Variants in HMGN2 observed in about 807,000 individuals in gnomAD.
The protein encoded by HMGN2 is non-histone chromosomal protein HMG-17.
In HMGN2, 2 loss-of-function variants were observed where a neutral mutation model predicts 16.9. The observed-to-expected ratio is 0.12, with a 90% confidence interval of 0.05 to 0.37. The LOEUF (loss-of-function observed/expected upper bound fraction) is 0.37, where lower values mean the gene tolerates loss of function less well. HMGN2 is among the 10% of genes least tolerant of loss of function. The pLI is 1.00. For synonymous variants in HMGN2, 31 were observed against 34.9 expected (o/e 0.89, Z 0.39); for missense variants, 90 against 106.0 (o/e 0.85, Z 0.66).
chr1:26,473,080 A>G lies in HMGN2; in HGVS notation c.16-403A>G, dbSNP rs371408658. On this transcript the variant is annotated intron_variant, in intron 1 of 5. Coordinates refer to ENST00000361427, the MANE Select transcript of HMGN2 (RefSeq NM_005517.4). ...GCGGTATGGCCCCGCCCCCTCGCCC[A>G]CGTTCCCCGCGCACGAGACGCGCGC... 13 of 236,822 alleles carry G rather than the reference A, an allele frequency of 5.5e-5. No individual in the cohort carries two copies. In the East Asian group the frequency reaches 1.2e-3, roughly 21 times the overall value. 14.7% of individuals were successfully genotyped at this position (236,822 alleles called of 1,614,324 possible). A position where few individuals can be genotyped will look rare whatever the true frequency, so the allele number is the denominator to read the frequency against.
intron 5 of HMGN2, 148 bp from the exon 6 acceptor site, chr1:26,474,965 C>A (rs2075598531): frequency 2.9e-6 from 2 of 678,206 alleles, no homozygotes; most frequent in Non-Finnish European, 5.2e-6. Context: ...AGCAAAGTTA[C>A]CTAGTAAGTC....
rs1441221917 is a variant in HMGN2, at chr1:26,476,639, C to CT, written c.*1492dup. Reference sequence around the variant, plus strand: ...GGACAGGAATAAAGTAAATTGGAGACTAATTGCTTTGTCCATTCCCTTAGT... The same window carrying CT: ...GGACAGGAATAAAGTAAATTGGAGACTTAATTGCTTTGTCCATTCCCTTAGT... On this transcript the variant is annotated 3_prime_UTR_variant, in exon 6 of 6. Transcript: ENST00000361427. Among the ~76,000 whole-genome samples, 3 of 152,190 alleles carry CT rather than the reference C, an allele frequency of 2.0e-5. No homozygotes were observed. The highest frequency in any genetic ancestry group is 4.8e-5 in the African/African-American group (2 of 41,450).
chr1:26,474,148 A>G lies in HMGN2; in HGVS notation c.141+13A>G, dbSNP rs1334182467. On this transcript the variant is annotated intron_variant, in intron 4 of 5. Coordinates refer to ENST00000361427, the MANE Select transcript of HMGN2 (RefSeq NM_005517.4). Reference sequence around the variant, plus strand: ...GGCCCCTGCAAAGGTAAGTGCTAACATTGGAACTGATCATTTTCACAGAAT... The same window carrying G: ...GGCCCCTGCAAAGGTAAGTGCTAACGTTGGAACTGATCATTTTCACAGAAT... The G allele has an allele frequency of 3.2e-6, 5 of 1,583,968 alleles. No individual in the cohort carries two copies. The highest frequency in any genetic ancestry group is 1.8e-5 in the Admixed American group (1 of 55,044).
chr1:26,474,159 T>C, intron 4 of HMGN2, 24 bp downstream of exon 4: 1 of 1,565,808 alleles, frequency 6.4e-7, no homozygotes, highest in East Asian at 2.2e-5. Context: ...TTGGAACTGA[T>C]CATTTTCACA....
chr1:26,474,012 G>T, intron 3 of HMGN2, 73 bp from the exon 4 acceptor site: 2 of 1,242,768 alleles, frequency 1.6e-6, no homozygotes, highest in Non-Finnish European at 2.3e-6. Flanking sequence ...TGGTACTTTT[G>T]GTTGGTTGTG....
chr1:26,473,261 G>C, intron 1 of HMGN2: 1 of 565,946 alleles, frequency 1.8e-6, no homozygotes, highest in Non-Finnish European at 3.1e-6. Context: ...GGGCTCCGCT[G>C]CCCTCCCCGG....
intron 5 of HMGN2, 64 bp downstream of exon 5, chr1:26,474,731 T>C: frequency 3.8e-6 from 3 of 792,748 alleles, no homozygotes; most frequent in Non-Finnish European, 6.6e-6. Context: ...TATCAAAAAT[T>C]TAATTGCCCT....
At position 26,475,466 on chromosome 1, in the gene HMGN2, G is replaced by T. The variant is rs9729961; in HGVS notation, c.*318G>T. On this transcript the variant is annotated 3_prime_UTR_variant, in exon 6 of 6. Coordinates refer to ENST00000361427, the MANE Select transcript of HMGN2 (RefSeq NM_005517.4). ...GCCACCTTGGCACAAAAGCCTTGTGGTATAGAAAAACAAATTTGTTTTTAT... is the reference window on the plus strand; with the variant it reads ...GCCACCTTGGCACAAAAGCCTTGTGTTATAGAAAAACAAATTTGTTTTTAT... 1 of 290,266 alleles carries T rather than the reference G, an allele frequency of 3.4e-6. No individual in the cohort carries two copies. The highest frequency in any genetic ancestry group is 7.6e-5 in the East Asian group (1 of 13,132). 18.0% of individuals were successfully genotyped at this position (290,266 alleles called of 1,614,324 possible). A position where few individuals can be genotyped will look rare whatever the true frequency, so the allele number is the denominator to read the frequency against.
intron 5 of HMGN2, 118 bp from the exon 6 acceptor site, chr1:26,474,995 A>T (rs558541473): frequency 1.8e-5 from 14 of 793,896 alleles, no homozygotes; most frequent in Non-Finnish European, 2.8e-5. Context: ...AGAAATACTG[A>T]GTCTCAGTAC....
intron 1 of HMGN2, 111 bp from the exon 2 acceptor site, chr1:26,473,372 A>C (rs533352772): frequency 1.3e-6 from 1 of 777,320 alleles, no homozygotes; most frequent in Non-Finnish European, 2.2e-6. Context: ...TTTATGTCCT[A>C]GAAAAGTTGT....
At chr1:26,474,887 C>T (rs1367396751) in intron 5 of HMGN2, 1 of 608,786 alleles carries the variant, frequency 1.6e-6, no homozygotes. Flanking sequence ...TAGGAGTAAC[C>T]TCAGGTCTCT....
intron 1 of HMGN2, among the ~76,000 whole-genome samples, chr1:26,472,929 C>A (rs1430848632): frequency 6.6e-6 from 1 of 152,000 alleles, no homozygotes; most frequent in Non-Finnish European, 1.5e-5. Flanking sequence ...TCGCGAGGGC[C>A]CCTTCCCTCC....
Position 26,472,665 on chromosome 1 carries a change from TGCCGCCACC to T in HMGN2, c.15+45_15+53del, listed in dbSNP as rs141841615. 6,174 of 1,506,724 alleles carry T rather than the reference TGCCGCCACC, an allele frequency of 4.1e-3. 172 individuals carry two copies. The African/African-American group carries it at 0.067, about 16-fold the overall frequency. 93.3% of individuals were successfully genotyped at this position (1,506,724 alleles called of 1,614,324 possible). A position where few individuals can be genotyped will look rare whatever the true frequency, so the allele number is the denominator to read the frequency against. On this transcript the variant is annotated intron_variant, in intron 1 of 5. Transcript: ENST00000361427. ...AGGGCCCCAGGCGCCGGGCCACCAC[TGCCGCCACC>T]GCCGCCGCCGCCTCCCTGGTGCAGG...
rs200508938 is a variant in HMGN2, at chr1:26,473,779, A to G, written c.90+47A>G. On this transcript the variant is annotated intron_variant, in intron 3 of 5. Coordinates refer to ENST00000361427, the MANE Select transcript of HMGN2 (RefSeq NM_005517.4). ...TTCGTGCTTGTCCCTGAAACTAAAA[A>G]ACATCAAAAAACAATTCCCTTTGCT... 446 of 1,545,942 alleles carry G rather than the reference A, an allele frequency of 2.9e-4. 2 individuals are homozygous for G. The highest frequency in any genetic ancestry group is 8.9e-5 in the Non-Finnish European group (99 of 1,118,238).
chr1:26,475,865 G>T lies in HMGN2; in HGVS notation c.*717G>T, dbSNP rs2124572079. On this transcript the variant is annotated 3_prime_UTR_variant, in exon 6 of 6. Coordinates refer to ENST00000361427, the MANE Select transcript of HMGN2 (RefSeq NM_005517.4). ...GGTAGTCCATTGAAGAAGGGAGTTT[G>T]AAAGTTGTTGTATACTGTTAACGAT... The T allele has an allele frequency of 3.4e-6, 1 of 291,334 alleles. No homozygotes were observed. The highest frequency in any genetic ancestry group is 1.1e-4 in the East Asian group (1 of 8,994). 18.0% of individuals were successfully genotyped at this position (291,334 alleles called of 1,614,324 possible). A position where few individuals can be genotyped will look rare whatever the true frequency, so the allele number is the denominator to read the frequency against.
At position 26,474,707 on chromosome 1, in the gene HMGN2, C is replaced by G. The variant is rs190057891; in HGVS notation, c.237+40C>G. 11 of 953,836 alleles carry G rather than the reference C, an allele frequency of 1.2e-5. No individual in the cohort carries two copies. In the African/African-American group the frequency reaches 1.6e-4, roughly 14 times the overall value. The allele number at this position is 953,836 out of a possible 1,614,324, so 59.1% of individuals were successfully genotyped here. ...TCACCCTTTGTTAGATTTGTTCATT[C>G]AGTTAGTTGCTGATATCAAAAATTT... On this transcript the variant is annotated intron_variant, in intron 5 of 5. Transcript: ENST00000361427.
Position 26,472,570 on chromosome 1 carries a change from C to T in HMGN2, c.-43C>T. 6.5e-7 allele frequency: 1 copy of T among 1,535,824 alleles called. No individual in the cohort carries two copies. The highest frequency in any genetic ancestry group is 1.4e-5 in the African/African-American group (1 of 73,004). On this transcript the variant is annotated 5_prime_UTR_variant, in exon 1 of 6. Transcript: ENST00000361427. ...ACCAAAGCCCGCGCGCCGCTGCATC[C>T]CGCGTCCAGCACCTACGTCCCGCTG...
intron 4 of HMGN2, 120 bp from the exon 5 acceptor site, chr1:26,474,452 A>T (rs1203074095): frequency 1.5e-6 from 1 of 646,226 alleles, no homozygotes; most frequent in African/African-American, 1.8e-5. Flanking sequence ...GTTCTTGTCA[A>T]ATGGGTGAGG....
In HMGN2 at chr1:26,472,477, A is replaced by G. The variant is rs950620560; in HGVS notation, c.-136A>G. On this transcript the variant is annotated 5_prime_UTR_variant, in exon 1 of 6. Transcript: ENST00000361427. ...TAACCGGTCCGGGGCTCCCAGCGCTATAAAAACTTTATAAACCCCCCGGAG... is the reference window on the plus strand; with the variant it reads ...TAACCGGTCCGGGGCTCCCAGCGCTGTAAAAACTTTATAAACCCCCCGGAG... The G allele has an allele frequency of 1.6e-4, 171 of 1,086,378 alleles. No individual in the cohort carries two copies. The highest frequency in any genetic ancestry group is 2.1e-4 in the Non-Finnish European group (154 of 745,320). The allele number at this position is 1,086,378 out of a possible 1,614,324, so 67.3% of individuals were successfully genotyped here. A position where few individuals can be genotyped will look rare whatever the true frequency, so the allele number is the denominator to read the frequency against.
Sources: gnomAD v4.1 joint callset for allele counts (sites outside exome capture counted in the v4.1 genomes callset) on GRCh38, gnomAD v4.1.1 for gene constraint, MANE v1.5 for transcripts, NCBI Gene and HGNC (gene_info 2026-07-23, HGNC 2026-07-21) for gene names.